The following SPATA22 variants were observed in gnomAD, a reference collection of about 807,000 sequenced individuals.
SPATA22 encodes spermatogenesis associated 22.
SPATA22 carries 29 observed loss-of-function variants against 47.8 expected under a neutral mutation model. That is an observed-to-expected ratio of 0.61 (90% confidence interval 0.45 to 0.83). The LOEUF (loss-of-function observed/expected upper bound fraction) is 0.83, where lower values mean the gene tolerates loss of function less well. Among genes scored for constraint, SPATA22 ranks in the 40% least tolerant of loss-of-function variants. The pLI, the probability that SPATA22 is intolerant of heterozygous loss-of-function variation, is 0.00. For synonymous variants in SPATA22, 133 were observed against 140.9 expected (o/e 0.94, Z 0.40); for missense variants, 410 against 421.7 (o/e 0.97, Z 0.24).
intron 1 of SPATA22, 143 bp from the exon 2 acceptor site, chr17:3,469,541 T>A: frequency 2.0e-6 from 1 of 488,320 alleles, no homozygotes; most frequent in Non-Finnish European, 3.6e-6. Flanking sequence ...TTTCTAAGAG[T>A]TTACACCATA....
chr17:3,453,513 T>A (rs1347506440), intron 5 of SPATA22, among the ~76,000 whole-genome samples: 1 of 152,012 alleles, frequency 6.6e-6, no homozygotes, highest in African/African-American at 2.4e-5. Flanking sequence ...ACAATAAAGG[T>A]CATTTGCAAA....
At chr17:3,510,340 A>T (rs2074095960) in intron 1 of SPATA22, among the ~76,000 whole-genome samples, 1 of 152,212 alleles carries the variant, frequency 6.6e-6, no homozygotes, top group East Asian at 1.9e-4. Flanking sequence ...TACAAAGGTG[A>T]CATGCCTTAT....
chr17:3,451,223 T>G (rs1354303473), intron 5 of SPATA22, among the ~76,000 whole-genome samples: 1 of 152,166 alleles, frequency 6.6e-6, no homozygotes. Context: ...AGAAAGTCAT[T>G]ATATAATGAT....
chr17:3,509,079 C>T (rs12450596), intron 1 of SPATA22, among the ~76,000 whole-genome samples: 143,698 of 151,886 alleles, frequency 0.95, 68,480 homozygotes, highest in East Asian at 1. Context: ...GAAAAGCCTG[C>T]GTGGTGGACA....
intron 5 of SPATA22, among the ~76,000 whole-genome samples, chr17:3,457,439 T>C (rs1174972079): frequency 6.6e-6 from 1 of 152,092 alleles, no homozygotes; most frequent in Non-Finnish European, 1.5e-5. Context: ...GCAATCCCTA[T>C]CAAAATTTCA....
At chr17:3,468,965 T>A in intron 2 of SPATA22, 1 of 445,378 alleles carries the variant, frequency 2.2e-6, no homozygotes, top group African/African-American at 2.1e-5. Flanking sequence ...TCCGGAAATA[T>A]TTTTAACAAG....
In SPATA22 at chr17:3,453,102, A is replaced by T. The variant is rs552985099; in HGVS notation, c.330-3953T>A. Among the ~76,000 whole-genome samples, 26 of 152,332 alleles carry T rather than the reference A, an allele frequency of 1.7e-4. 1 individual carries two copies. Among genetic ancestry groups the T allele is most frequent in the Middle Eastern group, 6.8e-3 (2 of 294 alleles). On this transcript the variant is annotated intron_variant, in intron 5 of 8. Transcript: ENST00000572969. Reference sequence around the variant, plus strand: ...AAACTACAGGCCAATATCACTAAAGAACATACATGCAAAAATCCTCAATAA... The same window carrying T: ...AAACTACAGGCCAATATCACTAAAGTACATACATGCAAAAATCCTCAATAA...
intron 1 of SPATA22, among the ~76,000 whole-genome samples, chr17:3,498,400 G>A (rs145318123): frequency 0.013 from 1,980 of 152,134 alleles, 44 homozygotes; most frequent in African/African-American, 0.044. Context: ...AGGCTGGAGT[G>A]CAGTGGTGTG....
chr17:3,461,329 A>C (rs2073120781), intron 5 of SPATA22, among the ~76,000 whole-genome samples: 2 of 152,166 alleles, frequency 1.3e-5, no homozygotes, highest in Non-Finnish European at 2.9e-5. Context: ...CAGATTACCA[A>C]CTGCCTGCAT....
In SPATA22 at chr17:3,440,054, AAATAC is replaced by A; in HGVS notation, c.*88_*92del. 1 of 749,230 alleles carries A rather than the reference AAATAC, an allele frequency of 1.3e-6. No homozygotes were observed. The highest frequency in any genetic ancestry group is 2.0e-6 in the Non-Finnish European group (1 of 499,048). The allele number at this position is 749,230 out of a possible 1,614,324, so 46.4% of individuals were successfully genotyped here. On this transcript the variant is annotated 3_prime_UTR_variant, in exon 9 of 9. Transcript: ENST00000572969. ...TTCAAATACTTTAATTCAACAAGTG[AAATAC>A]AATAGTAGCTATAAAACTATGGAGA...
intron 3 of SPATA22, among the ~76,000 whole-genome samples, chr17:3,466,620 C>A (rs955848722): frequency 6.6e-5 from 10 of 152,226 alleles, no homozygotes; most frequent in African/African-American, 1.9e-4. Flanking sequence ...AGGAAGCCAA[C>A]TGGATGAAGG....
At chr17:3,445,781 A>G (rs978417775) in intron 7 of SPATA22, among the ~76,000 whole-genome samples, 5 of 152,154 alleles carry the variant, frequency 3.3e-5, no homozygotes, top group African/African-American at 7.2e-5. Flanking sequence ...AGAAATCTAC[A>G]TCTATATATA....
Position 3,485,603 on chromosome 17 carries a change from T to A in SPATA22, c.-73-16205A>T, listed in dbSNP as rs748435506. Among the ~76,000 whole-genome samples the A allele has an allele frequency of 6.6e-6, 1 of 152,198 alleles. No individual in the cohort carries two copies. The highest frequency in any genetic ancestry group is 2.4e-5 in the African/African-American group (1 of 41,440). Reference sequence around the variant, plus strand: ...TCCGGAGTGATCAGATTTGACTGGATCAGAAAGGCAAGGGATCTGTTTCTC... The same window carrying A: ...TCCGGAGTGATCAGATTTGACTGGAACAGAAAGGCAAGGGATCTGTTTCTC... On this transcript the variant is annotated intron_variant, in intron 1 of 8. Coordinates refer to the SPATA22 transcript ENST00000541913. The surrounding 1 kb of genome is among the most constrained non-coding windows in gnomAD (Gnocchi z 4.4).
exon 1 of SPATA22, chr17:3,513,751 T>C: frequency 7.4e-6 from 4 of 543,086 alleles, no homozygotes; most frequent in Non-Finnish European, 1.3e-5. Flanking sequence ...AATTGACAAC[T>C]GCCCCTCAGT....
intron 1 of SPATA22, among the ~76,000 whole-genome samples, chr17:3,480,242 T>A (rs1478540778): frequency 6.6e-6 from 1 of 152,222 alleles, no homozygotes; most frequent in Non-Finnish European, 1.5e-5. Flanking sequence ...CAGAGCTGAT[T>A]TATCAAGACA....
At chr17:3,494,546 A>G in intron 1 of SPATA22, 3 of 1,111,478 alleles carry the variant, frequency 2.7e-6, no homozygotes, top group Non-Finnish European at 4.1e-6. Context: ...CACTTCGCGT[A>G]CATTCGCCCA....
At chr17:3,445,823 C>G (rs1400158450) in intron 7 of SPATA22, among the ~76,000 whole-genome samples, 4 of 151,690 alleles carry the variant, frequency 2.6e-5, no homozygotes, top group African/African-American at 9.7e-5. Flanking sequence ...ATATATATAA[C>G]AGGACAAAAG....
At chr17:3,457,117 C>G (rs1409531605) in intron 5 of SPATA22, among the ~76,000 whole-genome samples, 1 of 152,128 alleles carries the variant, frequency 6.6e-6, no homozygotes, top group African/African-American at 2.4e-5. Flanking sequence ...AAACTGGAAG[C>G]ATTCCCTTTG....
At position 3,467,432 on chromosome 17, in the gene SPATA22, G is replaced by T; in HGVS notation, c.166C>A (p.Pro56Thr). The change falls in exon 3 of 9, where the codon CCT (proline) becomes ACT (threonine). Residue 56 changes from proline (P) to threonine (T), a missense_variant. Coordinates refer to ENST00000572969, the MANE Select transcript of SPATA22 (RefSeq NM_001170698.2). ...PSDNYDFPPL[P>T]TDWAWEAVNP... ...ACCTTATTAATTTTCTTACCTGTAG[G>T]TAGAGGAGGAAAATCATAATTGTCA... is the stretch of plus-strand genomic sequence containing the variant. The T allele has an allele frequency of 6.3e-7, 1 of 1,592,766 alleles. No homozygotes were observed. The highest frequency in any genetic ancestry group is 2.3e-5 in the East Asian group (1 of 43,530).
Sources: gnomAD v4.1 joint callset for allele counts (sites outside exome capture counted in the v4.1 genomes callset) on GRCh38, gnomAD v4.1.1 for gene constraint, Gnocchi (gnomAD v3.1) non-coding constraint, MANE v1.5 for transcripts, NCBI Gene and HGNC (gene_info 2026-07-23, HGNC 2026-07-21) for gene names.